ZFPM2: variants seen among roughly 807,000 people sequenced by gnomAD.
ZFPM2 encodes the protein zinc finger protein ZFPM2.
In ZFPM2, 20 loss-of-function variants were observed where a neutral mutation model predicts 98.6. The observed-to-expected ratio is 0.20, with a 90% CI of 0.14 to 0.29. The LOEUF (loss-of-function observed/expected upper bound fraction) is 0.29, where lower values mean the gene tolerates loss of function less well. ZFPM2 is among the 10% of genes least tolerant of loss of function. ZFPM2 has a pLI of 1.00. For missense variants in ZFPM2, 1,310 were observed against 1,388.6 expected (o/e 0.94, Z 0.90); for synonymous variants, 518 against 502.7 (o/e 1.03, Z -0.41).
At chr8:105,423,777 C>T (rs1811849839) in intron 2 of ZFPM2, among the ~76,000 whole-genome samples, 1 of 152,176 alleles carries the variant, frequency 6.6e-6, no homozygotes, top group Non-Finnish European at 1.5e-5. Context: ...TATGTCACTA[C>T]TGGCAGGTGG....
chr8:105,561,596 T>G (rs1052117137), intron 4 of ZFPM2, 115 bp downstream of exon 4: 2 of 902,032 alleles, frequency 2.2e-6, no homozygotes, highest in African/African-American at 3.4e-5. Flanking sequence ...TAACCATTTG[T>G]TTTTGCTTTT....
At chr8:105,342,610 C>T (rs1052613869) in intron 1 of ZFPM2, among the ~76,000 whole-genome samples, 9 of 150,990 alleles carry the variant, frequency 6.0e-5, no homozygotes, top group Non-Finnish European at 1.2e-4. Flanking sequence ...ACCAAAGAAA[C>T]TCATAGAGGG....
intron 1 of ZFPM2, among the ~76,000 whole-genome samples, chr8:105,400,789 A>G (rs1811324762): frequency 6.6e-6 from 1 of 152,072 alleles, no homozygotes; most frequent in Non-Finnish European, 1.5e-5. Context: ...ATATAAATTA[A>G]TTAAAATTAA....
At position 105,546,585 on chromosome 8, in the gene ZFPM2, C is replaced by CAT. The variant is rs1174532017; in HGVS notation, c.302-14777_302-14776insTA. 1.8e-3 allele frequency among the ~76,000 whole-genome samples: 241 copies of CAT among 131,664 alleles called. 1 individual carries two copies. The highest frequency in any genetic ancestry group is 6.2e-3 in the African/African-American group (209 of 33,622). The allele number at this position is 131,664 out of a possible 152,430, so 86.4% of individuals were successfully genotyped here. A position where few individuals can be genotyped will look rare whatever the true frequency, so the allele number is the denominator to read the frequency against. On this transcript the variant is annotated intron_variant, in intron 3 of 7. Transcript: ENST00000407775. ...CTCAGTCTCAAAAAAAAAAAAAAAA[C>CAT]AAACCCAAAAACCACTAAGATAAAA...
chr8:105,748,951 G>T (rs1812413612), intron 5 of ZFPM2, among the ~76,000 whole-genome samples: 1 of 152,044 alleles, frequency 6.6e-6, no homozygotes, highest in East Asian at 1.9e-4. Flanking sequence ...TTGGGAAATT[G>T]AAAGTCACAA....
intron 1 of ZFPM2, among the ~76,000 whole-genome samples, chr8:105,385,276 C>A (rs1217446341): frequency 6.6e-6 from 1 of 152,174 alleles, no homozygotes; most frequent in Non-Finnish European, 1.5e-5. Context: ...AAGGATGCTG[C>A]TTATTATATA....
At chr8:105,639,797 G>C (rs1816917657) in intron 5 of ZFPM2, among the ~76,000 whole-genome samples, 1 of 151,990 alleles carries the variant, frequency 6.6e-6, no homozygotes, top group Non-Finnish European at 1.5e-5. Context: ...TTATAGCGAA[G>C]ACTTCTACAA....
chr8:105,715,967 G>A (rs1242260132), intron 5 of ZFPM2, among the ~76,000 whole-genome samples: 1 of 151,886 alleles, frequency 6.6e-6, no homozygotes, highest in Non-Finnish European at 1.5e-5. Flanking sequence ...TCAATGCAGA[G>A]TTACTGTATT....
At chr8:105,471,908 A>G (rs1382604017) in intron 3 of ZFPM2, among the ~76,000 whole-genome samples, 5 of 152,132 alleles carry the variant, frequency 3.3e-5, no homozygotes, top group Non-Finnish European at 5.9e-5. Flanking sequence ...CCAGGGTTTG[A>G]CCTTCTCACA....
At chr8:105,642,428 A>G (rs889606564) in intron 5 of ZFPM2, among the ~76,000 whole-genome samples, 4 of 152,136 alleles carry the variant, frequency 2.6e-5, no homozygotes, top group Non-Finnish European at 5.9e-5. Flanking sequence ...AATTTAAGAT[A>G]AATATTTGCA....
chr8:105,778,501 T>TGTGTGTGTGC (rs1813160790), intron 5 of ZFPM2, among the ~76,000 whole-genome samples: 1 of 151,686 alleles, frequency 6.6e-6, no homozygotes, highest in Admixed American at 6.6e-5. Context: ...TGTGTGTGTG[T>TGTGTGTGTGC]GTGTGTGCGT....
intron 5 of ZFPM2, among the ~76,000 whole-genome samples, chr8:105,720,862 G>A (rs2130994860): frequency 6.6e-6 from 1 of 152,044 alleles, no homozygotes; most frequent in Non-Finnish European, 1.5e-5. Context: ...ACTTGGGAGA[G>A]GAGATGCATC....
At chr8:105,531,315 C>G (rs768333421) in intron 3 of ZFPM2, among the ~76,000 whole-genome samples, 1 of 152,090 alleles carries the variant, frequency 6.6e-6, no homozygotes, top group Non-Finnish European at 1.5e-5. Context: ...GGGTGATGTT[C>G]CCTCTGAACT....
rs372818742 is a variant in ZFPM2, at chr8:105,561,359, G to T, written c.302-4G>T. On this transcript the variant is annotated splice_region_variant and splice_polypyrimidine_tract_variant and intron_variant, in intron 3 of 7. Transcript: ENST00000407775. The stretch of plus-strand genomic sequence containing the variant: ...TCTAAACACTTCTGTTCCTTTGTCT[G>T]CAGGAGAGCTGGAGGTGTTTCAGAA... 9 of 1,611,642 alleles carry T rather than the reference G, an allele frequency of 5.6e-6. No individual in the cohort carries two copies. Among genetic ancestry groups the T allele is most frequent in the Non-Finnish European group, 7.6e-6 (9 of 1,178,260 alleles).
intron 1 of ZFPM2, among the ~76,000 whole-genome samples, chr8:105,362,788 T>C (rs1391072063): frequency 6.6e-6 from 1 of 152,170 alleles, no homozygotes; most frequent in Non-Finnish European, 1.5e-5. Context: ...TTTAAATTTG[T>C]TGCATGTTAC....
Position 105,802,428 on chromosome 8 carries a change from G to A in ZFPM2, c.2346G>A (p.Glu782=), listed in dbSNP as rs2920048. 2 of 1,613,532 alleles carry A rather than the reference G, an allele frequency of 1.2e-6. No homozygotes were observed. The highest frequency in any genetic ancestry group is 1.7e-6 in the Non-Finnish European group (2 of 1,179,790). The change falls in exon 8 of 8, where the codon GAG becomes GAA. Residue 782 remains glutamate, a synonymous_variant. Coordinates refer to ENST00000407775, the MANE Select transcript of ZFPM2 (RefSeq NM_012082.4). ...STQEPTEGLG[E]CYHPRCDIFP... ...AAGAACCCACAGAAGGGCTAGGAGA[G>A]TGCTACCACCCAAGATGTGATATCT...
rs77840801 is a variant in ZFPM2, at chr8:105,682,764, T to C, written c.532+48407T>C. 6.2e-3 allele frequency among the ~76,000 whole-genome samples: 939 copies of C among 152,230 alleles called. 4 individuals carry two copies. The highest frequency in any genetic ancestry group is 9.6e-3 in the Non-Finnish European group (654 of 68,002). On this transcript the variant is annotated intron_variant, in intron 5 of 7. Transcript: ENST00000407775. ...GCTCTAAAAGATGAGTAAAGCTGTT[T>C]TGGAGAGCATCTAGCCAGTCTCCAT...
intron 6 of ZFPM2, 44 bp downstream of exon 6, chr8:105,788,968 A>T (rs762150038): frequency 2.0e-6 from 3 of 1,468,208 alleles, no homozygotes; most frequent in South Asian, 3.0e-5. Flanking sequence ...AGGTGATGGG[A>T]ATTTATGGGA....
At chr8:105,636,051 A>C (rs1291315514) in intron 5 of ZFPM2, among the ~76,000 whole-genome samples, 1 of 152,104 alleles carries the variant, frequency 6.6e-6, no homozygotes, top group Non-Finnish European at 1.5e-5. Flanking sequence ...TCTATACAAT[A>C]TTTTTATAAT....
Sources: gnomAD v4.1 joint callset for allele counts (sites outside exome capture counted in the v4.1 genomes callset) on GRCh38, gnomAD v4.1.1 for gene constraint, MANE v1.5 for transcripts, NCBI Gene and HGNC (gene_info 2026-07-23, HGNC 2026-07-21) for gene names.